KCNMA1: variants seen among roughly 807,000 people sequenced by gnomAD.
KCNMA1 encodes the protein Calcium-activated potassium channel subunit alpha-1.
A neutral mutation model predicts 140.0 loss-of-function variants in KCNMA1; 29 were observed. The ratio of observed to expected loss-of-function variants is 0.21; its 90% confidence interval spans 0.15 to 0.28. The LOEUF is 0.28. Among genes scored for constraint, KCNMA1 ranks in the 10% least tolerant of loss-of-function variants. KCNMA1 has a pLI of 1.00. For missense variants in KCNMA1, 880 were observed against 1,602.2 expected, an observed-to-expected ratio of 0.55 and a Z score of 7.70; for synonymous variants, 612 against 611.9, an observed-to-expected ratio of 1.00 and a Z score of 0.00.
chr10:76,980,789 G>A (rs988994136), intron 19 of KCNMA1, among the ~76,000 whole-genome samples: 5 of 152,034 alleles, frequency 3.3e-5, no homozygotes, highest in South Asian at 2.1e-4. Context: ...TACCATCCCC[G>A]AAATAAAGAT....
chr10:76,996,244 C>T (rs2084284404), intron 19 of KCNMA1, among the ~76,000 whole-genome samples: 1 of 152,228 alleles, frequency 6.6e-6, no homozygotes, highest in Non-Finnish European at 1.5e-5. Flanking sequence ...TTCTGCCTTA[C>T]AATGCTGATT....
chr10:77,258,683 C>T (rs513489), intron 2 of KCNMA1, among the ~76,000 whole-genome samples: 73,764 of 151,984 alleles, frequency 0.49, 18,179 homozygotes, highest in Admixed American at 0.55. Context: ...AAGATATAGG[C>T]CAGGTGCGGT....
At chr10:77,376,968 C>CATACATACATACATAT (rs2095161190) in intron 2 of KCNMA1, among the ~76,000 whole-genome samples, 2 of 151,990 alleles carry the variant, frequency 1.3e-5, no homozygotes. Flanking sequence ...TACATACATA[C>CATACATACATACATAT]ATACATACAT....
At chr10:76,925,267 C>T (rs953290259) in intron 23 of KCNMA1, among the ~76,000 whole-genome samples, 2 of 152,156 alleles carry the variant, frequency 1.3e-5, no homozygotes, top group African/African-American at 2.4e-5. Flanking sequence ...CTTATGCTAA[C>T]CTTTCTTTAT....
chr10:77,612,122 A>G (rs2087156502), intron 1 of KCNMA1, among the ~76,000 whole-genome samples: 1 of 152,136 alleles, frequency 6.6e-6, no homozygotes, highest in Non-Finnish European at 1.5e-5. Context: ...CCTCCCAAGA[A>G]CATATGGAGG....
chr10:77,339,231 C>T (rs2090183643), intron 2 of KCNMA1, among the ~76,000 whole-genome samples: 1 of 151,792 alleles, frequency 6.6e-6, no homozygotes, highest in African/African-American at 2.4e-5. Context: ...CCTCTTATCA[C>T]TTGTCTCTTA....
At chr10:77,562,867 T>C (rs1378355451) in intron 1 of KCNMA1, among the ~76,000 whole-genome samples, 1 of 152,234 alleles carries the variant, frequency 6.6e-6, no homozygotes, top group African/African-American at 2.4e-5. Flanking sequence ...TTTCAAGACA[T>C]CTTAACAAAG....
intron 2 of KCNMA1, among the ~76,000 whole-genome samples, chr10:77,298,004 C>T (rs529623311): frequency 6.6e-6 from 1 of 152,232 alleles, no homozygotes; most frequent in South Asian, 2.1e-4. Context: ...TTTACTTTGC[C>T]TTTTCCTCAC....
chr10:77,485,325 A>G (rs192541332), intron 1 of KCNMA1, among the ~76,000 whole-genome samples: 205 of 152,358 alleles, frequency 1.3e-3, no homozygotes, highest in Non-Finnish European at 2.2e-3. Flanking sequence ...CCCCTATTCC[A>G]AAGGATAGTT....
intron 1 of KCNMA1, among the ~76,000 whole-genome samples, chr10:77,604,580 C>T (rs566894218): frequency 1.6e-4 from 25 of 152,026 alleles, no homozygotes; most frequent in Admixed American, 1.6e-3. Context: ...ATTAGCTGGG[C>T]ATGGTGGTGT....
chr10:76,944,666 C>G, intron 23 of KCNMA1, 107 bp downstream of exon 23: 1 of 1,053,504 alleles, frequency 9.5e-7, no homozygotes, highest in African/African-American at 1.6e-5. Flanking sequence ...GTTTCACTGC[C>G]AGGCAGGCTG....
chr10:77,007,912 T>C (rs1011544606), intron 18 of KCNMA1, among the ~76,000 whole-genome samples: 2 of 151,820 alleles, frequency 1.3e-5, no homozygotes, highest in East Asian at 1.9e-4. Flanking sequence ...TATTTTCAAA[T>C]AGAAAAATAA....
At position 77,419,770 on chromosome 10, in the gene KCNMA1, T is replaced by C. The variant is rs2096828587; in HGVS notation, c.379-15747A>G. On this transcript the variant is annotated intron_variant, in intron 1 of 27. Coordinates refer to ENST00000286628, the MANE Select transcript of KCNMA1 (RefSeq NM_001161352.2). ...CATTGCCAGCATTTATTAAGTATCT[T>C]CTGGCACAGGACAGAAATCAGTCTG... 2.0e-5 allele frequency among the ~76,000 whole-genome samples: 3 copies of C among 152,354 alleles called. No homozygotes were observed. The East Asian group carries it at 5.8e-4, about 29-fold the overall frequency.
intron 20 of KCNMA1, among the ~76,000 whole-genome samples, chr10:76,961,159 C>G (rs1186602702): frequency 3.3e-5 from 5 of 150,662 alleles, no homozygotes; most frequent in South Asian, 4.2e-4. Flanking sequence ...ATTCTAGATG[C>G]TAATAAGAAC....
intron 23 of KCNMA1, among the ~76,000 whole-genome samples, chr10:76,935,207 G>A (rs2131218): frequency 0.27 from 41,372 of 152,122 alleles, 7,608 homozygotes; most frequent in African/African-American, 0.52. Context: ...GGGATTCACA[G>A]AGACAAGAAC....
intron 29 of KCNMA1, among the ~76,000 whole-genome samples, chr10:76,879,721 A>T (rs1016355176): frequency 6.6e-6 from 1 of 152,228 alleles, no homozygotes; most frequent in South Asian, 2.1e-4. Context: ...GTACACATCA[A>T]AATAATTTCA....
chr10:77,534,960 C>A (rs959981321), intron 1 of KCNMA1, among the ~76,000 whole-genome samples: 2 of 152,182 alleles, frequency 1.3e-5, no homozygotes, highest in African/African-American at 4.8e-5. Flanking sequence ...GCAATCTATA[C>A]CATATATACC....
chr10:77,425,143 GGA>G, intron 1 of KCNMA1, among the ~76,000 whole-genome samples: 1 of 152,190 alleles, frequency 6.6e-6, no homozygotes, highest in African/African-American at 2.4e-5. Context: ...ATGGATGGAT[GGA>G]TGGATGGATG....
At chr10:77,196,439 G>A (rs982860524) in intron 3 of KCNMA1, among the ~76,000 whole-genome samples, 1 of 152,148 alleles carries the variant, frequency 6.6e-6, no homozygotes, top group Admixed American at 6.5e-5. Flanking sequence ...TGCCTGCACA[G>A]GTCTGTACTG....
Sources: gnomAD v4.1 joint callset for allele counts (sites outside exome capture counted in the v4.1 genomes callset) on GRCh38, gnomAD v4.1.1 for gene constraint, MANE v1.5 for transcripts, NCBI Gene and HGNC (gene_info 2026-07-23, HGNC 2026-07-21) for gene names.